Variants in SLC12A3 observed in about 807,000 individuals in gnomAD.
SLC12A3 encodes solute carrier family 12 member 3.
A neutral mutation model predicts 121.0 loss-of-function variants in SLC12A3; 104 were observed. The observed-to-expected ratio is 0.86, with a 90% confidence interval of 0.73 to 1.01. SLC12A3 has a LOEUF of 1.01. SLC12A3 is among the 50% of genes least tolerant of loss of function. The pLI, the probability that SLC12A3 is intolerant of heterozygous loss-of-function variation, is 0.00. For synonymous variants in SLC12A3, 536 were observed against 533.4 expected (o/e 1.00, Z -0.07); for missense variants, 1,328 against 1,356.3 (o/e 0.98, Z 0.33).
chr16:56,882,935 CTG>C (rs1429341075), intron 13 of SLC12A3, among the ~76,000 whole-genome samples: 4 of 152,064 alleles, frequency 2.6e-5, no homozygotes. Flanking sequence ...GAGCAAGACT[CTG>C]TCTCAAATAA....
Position 56,913,340 on chromosome 16 carries a change from C to A in SLC12A3, c.3001C>A (p.Leu1001Ile). The change falls in exon 26 of 26, where the codon CTC becomes ATC. Residue 1001 changes from leucine (L) to isoleucine (I), a missense_variant. Physicochemically the swap from Leu to Ile is conservative, Grantham distance 5 (BLOSUM62 2). Transcript: ENST00000563236. Reference protein sequence around the residue: ...MAWLETLSQDLRPPVILIRGN... With the variant: ...MAWLETLSQDIRPPVILIRGN... ...CTGGCTGGAGACCCTGTCCCAGGAC[C>A]TCAGACCTCCAGTCATCCTGATCCG... 6.2e-7 allele frequency: 1 copy of A among 1,614,194 alleles called. No homozygotes were observed. Among genetic ancestry groups the A allele is most frequent in the Non-Finnish European group, 8.5e-7 (1 of 1,180,014 alleles).
intron 22 of SLC12A3, among the ~76,000 whole-genome samples, chr16:56,897,409 A>G (rs12923922): frequency 0.28 from 41,889 of 151,998 alleles, 6,671 homozygotes; most frequent in African/African-American, 0.45. Flanking sequence ...GGGATCCCCC[A>G]GCCTACACCA....
chr16:56,872,818 G>A, intron 8 of SLC12A3, 32 bp downstream of exon 8: 1 of 1,613,616 alleles, frequency 6.2e-7, no homozygotes, highest in East Asian at 2.2e-5. Context: ...CCTGTGTCCT[G>A]GCACTGCACA....
chr16:56,904,949 G>C (rs2055587116), intron 25 of SLC12A3: 1 of 261,958 alleles, frequency 3.8e-6, no homozygotes, highest in Non-Finnish European at 7.5e-6. Flanking sequence ...ACCCCTGGGT[G>C]TATTAGCCAG....
intron 8 of SLC12A3, among the ~76,000 whole-genome samples, chr16:56,877,377 C>T (rs541182151): frequency 6.6e-6 from 1 of 151,090 alleles, no homozygotes; most frequent in South Asian, 2.1e-4. Flanking sequence ...ACCTGGGTGA[C>T]AGAGCAAGAC....
chr16:56,865,673 A>G (rs924894002), intron 1 of SLC12A3, among the ~76,000 whole-genome samples, 156 bp downstream of exon 1: 11 of 152,238 alleles, frequency 7.2e-5, no homozygotes, highest in Non-Finnish European at 1.5e-4. Context: ...GTGGAGCTGC[A>G]GAAATCTGGG....
chr16:56,890,746 A>G (rs2055377829), intron 19 of SLC12A3, among the ~76,000 whole-genome samples: 1 of 152,108 alleles, frequency 6.6e-6, no homozygotes, highest in African/African-American at 2.4e-5. Context: ...TAAAAATACA[A>G]AAATTAGCTG....
chr16:56,870,854 G>A (rs1207315553), intron 6 of SLC12A3, 118 bp downstream of exon 6: 14 of 584,796 alleles, frequency 2.4e-5, no homozygotes, highest in Non-Finnish European at 3.9e-5. Context: ...TTTTTTTTTT[G>A]AGACAGAATC....
intron 24 of SLC12A3, among the ~76,000 whole-genome samples, chr16:56,903,378 G>C (rs76819394): frequency 1.3e-5 from 2 of 152,134 alleles, no homozygotes; most frequent in Non-Finnish European, 2.9e-5. Context: ...GCAAGGGCCG[G>C]GTCCTACTTC....
At chr16:56,903,221 AC>A (rs2055563055) in intron 24 of SLC12A3, among the ~76,000 whole-genome samples, 1 of 151,190 alleles carries the variant, frequency 6.6e-6, no homozygotes, top group Admixed American at 6.6e-5. Flanking sequence ...TCTAGACCCT[AC>A]CCCTGCCACA....
At chr16:56,891,058 T>C (rs902611135) in intron 19 of SLC12A3, among the ~76,000 whole-genome samples, 1 of 151,920 alleles carries the variant, frequency 6.6e-6, no homozygotes, top group Non-Finnish European at 1.5e-5. Context: ...AAGTCATATA[T>C]GACTGCAGAC....
intron 18 of SLC12A3, 47 bp from the exon 19 acceptor site, chr16:56,890,227 C>A: frequency 1.3e-6 from 2 of 1,493,796 alleles, no homozygotes; most frequent in Non-Finnish European, 1.9e-6. Context: ...GTCACCTCCC[C>A]AGTGGGAGCT....
chr16:56,895,448 C>A (rs2055449916), intron 22 of SLC12A3, among the ~76,000 whole-genome samples: 1 of 150,668 alleles, frequency 6.6e-6, no homozygotes, highest in Non-Finnish European at 1.5e-5. Flanking sequence ...CCCACCTCAG[C>A]CTCCCAAAGT....
chr16:56,898,362 C>T (rs1179996441), intron 22 of SLC12A3, among the ~76,000 whole-genome samples: 1 of 152,062 alleles, frequency 6.6e-6, no homozygotes, highest in Non-Finnish European at 1.5e-5. Flanking sequence ...AGGTTCACAC[C>T]ATTCTCCTGC....
At chr16:56,908,541 AAG>A (rs2055640477) in intron 25 of SLC12A3, among the ~76,000 whole-genome samples, 1 of 152,204 alleles carries the variant, frequency 6.6e-6, no homozygotes, top group Non-Finnish European at 1.5e-5. Context: ...AAAAGAAAAA[AAG>A]AAGAATGTCA....
At chr16:56,899,001 T>C (rs1227346525) in intron 22 of SLC12A3, among the ~76,000 whole-genome samples, 2 of 152,154 alleles carry the variant, frequency 1.3e-5, no homozygotes, top group Admixed American at 6.5e-5. Context: ...CATGTGAAAA[T>C]TTGGGGTGCG....
chr16:56,878,422 C>T (rs896140710), intron 9 of SLC12A3, among the ~76,000 whole-genome samples: 1 of 151,996 alleles, frequency 6.6e-6, no homozygotes, highest in Non-Finnish European at 1.5e-5. Context: ...CTTGAAGGCC[C>T]AGATTCATGA....
chr16:56,910,912 T>C (rs1174955222), intron 25 of SLC12A3, among the ~76,000 whole-genome samples: 3 of 152,148 alleles, frequency 2.0e-5, no homozygotes, highest in African/African-American at 4.8e-5. Context: ...GGCATGCACA[T>C]CCTGTGAGCA....
Position 56,868,286 on chromosome 16 carries a change from T to G in SLC12A3, c.430-11T>G. ...CCACCCAGGTGGCCTCTGACCCCCC[T>G]GTCCTCCCAGATTCGTTGCATGCTC... On this transcript the variant is annotated splice_polypyrimidine_tract_variant and intron_variant, in intron 2 of 25. Transcript: ENST00000563236. 1 of 1,613,576 alleles carries G rather than the reference T, an allele frequency of 6.2e-7. No individual in the cohort carries two copies. The highest frequency in any genetic ancestry group is 1.1e-5 in the South Asian group (1 of 90,910).
Sources: allele counts gnomAD v4.1 joint callset (sites outside exome capture counted in the v4.1 genomes callset), GRCh38; gene constraint gnomAD v4.1.1; transcripts MANE v1.5; gene names NCBI Gene and HGNC (gene_info 2026-07-23, HGNC 2026-07-21).